Variants in KNL1 observed in about 807,000 individuals in gnomAD.
KNL1 encodes the protein outer kinetochore KNL1 complex subunit KNL1.
A neutral mutation model predicts 201.3 loss-of-function variants in KNL1; 66 were observed. That is an observed-to-expected ratio of 0.33 (90% CI 0.27 to 0.40). The LOEUF is 0.40. KNL1 is among the 10% of genes least tolerant of loss of function. The probability of loss-of-function intolerance (pLI) is 1.00; values close to 1 mark genes in which losing one functional copy is unlikely to be tolerated. For missense variants in KNL1, 2,815 were observed against 2,690.5 expected, an observed-to-expected ratio of 1.05 and a Z score of -1.02; for synonymous variants, 895 against 899.2, an observed-to-expected ratio of 1.00 and a Z score of 0.08.
chr15:40,644,069 G>A (rs1254538341), intron 14 of KNL1, among the ~76,000 whole-genome samples: 2 of 152,190 alleles, frequency 1.3e-5, no homozygotes, highest in Non-Finnish European at 2.9e-5. Context: ...GGGCCCAGGG[G>A]ACCGGCTCTC....
At position 40,610,299 on chromosome 15, in the gene KNL1, T is replaced by C. The variant is rs200451358; in HGVS notation, c.250+2T>C. On this transcript the variant is annotated splice_donor_variant, in intron 6 of 25. Coordinates refer to ENST00000399668, the MANE Select transcript of KNL1 (RefSeq NM_144508.5). LOFTEE classifies it high-confidence loss of function. ...TAGTGAGAAAGTCAGAAATGGAAGG[T>C]AAGTATGTTACTATAATTCCTGCTA... 42 of 1,456,248 alleles carry C rather than the reference T, an allele frequency of 2.9e-5. No homozygotes were observed. The highest frequency in any genetic ancestry group is 3.5e-4 in the Middle Eastern group (2 of 5,774). 90.2% of individuals were successfully genotyped at this position (1,456,248 alleles called of 1,614,324 possible).
chr15:40,594,664 G>T (rs1318039244), intron 1 of KNL1, among the ~76,000 whole-genome samples: 1 of 152,210 alleles, frequency 6.6e-6, no homozygotes, highest in Non-Finnish European at 1.5e-5. Flanking sequence ...TTGCTTGTCC[G>T]TCGCTCTCTT....
rs777307968 is a variant in KNL1 at position 40,651,514 on chromosome 15, C to G, written c.6256C>G (p.Gln2086Glu). Residue 2086 changes from glutamine (Q) to glutamate (E), a missense_variant, in exon 20 of 26, where the codon CAA becomes GAA. Gln to Glu is a conservative substitution (Grantham distance 29, BLOSUM62 2). Around this residue, in one of 3 missense-constraint regions of KNL1, gnomAD observed 334 missense variants for 362.6 expected, o/e 0.92. Transcript: ENST00000399668. Reference protein sequence around the residue: ...LEVQKEQTLAQIDFMQKQRNR... With the variant: ...LEVQKEQTLAEIDFMQKQRNR... ...GGTACAAAAAGAGCAGACCCTTGCTCAAATAGACTTTATGCAAAAACAAAG... is the reference window on the plus strand; with the variant it reads ...GGTACAAAAAGAGCAGACCCTTGCTGAAATAGACTTTATGCAAAAACAAAG... 5 of 1,610,184 alleles carry G rather than the reference C, an allele frequency of 3.1e-6. No individual in the cohort carries two copies. In the Admixed American group the frequency reaches 8.5e-5, roughly 27 times the overall value.
chr15:40,625,019 A>G lies in KNL1; in HGVS notation c.4755A>G (p.Gln1585=), dbSNP rs770951137. 6.2e-7 allele frequency: 1 copy of G among 1,613,952 alleles called. No individual in the cohort carries two copies. The highest frequency in any genetic ancestry group is 1.1e-5 in the South Asian group (1 of 91,068). The change falls in exon 10 of 26, where the codon CAA becomes CAG. Residue 1585 remains glutamine, a synonymous_variant. Coordinates refer to ENST00000399668, the MANE Select transcript of KNL1 (RefSeq NM_144508.5). ...QTVHLPPLPE[Q]LLELGNKAHN... ...TTCATCTACCACCCCTTCCAGAGCAATTACTTGAATTAGGAAATAAGGCAC... is the reference window on the plus strand; with the variant it reads ...TTCATCTACCACCCCTTCCAGAGCAGTTACTTGAATTAGGAAATAAGGCAC...
intron 14 of KNL1, among the ~76,000 whole-genome samples, chr15:40,644,530 C>T (rs978978213): frequency 3.3e-5 from 5 of 152,182 alleles, no homozygotes; most frequent in East Asian, 1.9e-4. Context: ...TTACGGGTGT[C>T]GGGCTGGGGG....
At chr15:40,640,593 A>AG (rs1893198223) in intron 13 of KNL1, among the ~76,000 whole-genome samples, 2 of 152,224 alleles carry the variant, frequency 1.3e-5, no homozygotes, top group Admixed American at 1.3e-4. Context: ...CTTAAAAAAA[A>AG]AAATTAAAAA....
intron 13 of KNL1, among the ~76,000 whole-genome samples, chr15:40,633,493 G>A (rs916443646): frequency 2.0e-5 from 3 of 152,032 alleles, no homozygotes; most frequent in Non-Finnish European, 4.4e-5. Flanking sequence ...ACTTGATAAT[G>A]ATAACAGACC....
At chr15:40,645,920 A>G (rs1486263688) in intron 16 of KNL1, 148 bp downstream of exon 16, 2 of 491,180 alleles carry the variant, frequency 4.1e-6, no homozygotes, top group Non-Finnish European at 7.1e-6. Context: ...TCAATTTGTC[A>G]AAAGTGGCAA....
rs1378960134 is a variant in KNL1, at chr15:40,663,896, G to T, written c.*1708G>T. The T allele has an allele frequency of 1.0e-5, 2 of 192,720 alleles. No individual in the cohort carries two copies. The highest frequency in any genetic ancestry group is 4.6e-5 in the African/African-American group (2 of 43,118). The allele number at this position is 192,720 out of a possible 1,614,324, so 11.9% of individuals were successfully genotyped here. On this transcript the variant is annotated 3_prime_UTR_variant, in exon 26 of 26. Coordinates refer to ENST00000399668, the MANE Select transcript of KNL1 (RefSeq NM_144508.5). ...CTGAATGTTATTGTCCCTCTTGATTGGTTTTTACTTCTGAGCTATACGTCA... is the reference window on the plus strand; with the variant it reads ...CTGAATGTTATTGTCCCTCTTGATTTGTTTTTACTTCTGAGCTATACGTCA...
chr15:40,625,849 A>G (rs1238445768), intron 10 of KNL1: 3 of 477,560 alleles, frequency 6.3e-6, no homozygotes, highest in Non-Finnish European at 1.1e-5. Flanking sequence ...AAAGTGACAA[A>G]TAGTCACAAA....
At position 40,624,240 on chromosome 15, in the gene KNL1, G is replaced by A; in HGVS notation, c.3976G>A (p.Asp1326Asn). 6.2e-7 allele frequency: 1 copy of A among 1,613,988 alleles called. No individual in the cohort carries two copies. Among genetic ancestry groups the A allele is most frequent in the Non-Finnish European group, 8.5e-7 (1 of 1,179,956 alleles). Reference sequence around the variant, plus strand: ...TAGTGCCATGCTCTTATGTGATAAAGATGAGGAAAAAGCCAATTATTGCCC... The same window carrying A: ...TAGTGCCATGCTCTTATGTGATAAAAATGAGGAAAAAGCCAATTATTGCCC... ...EGSAMLLCDK[D>N]EEKANYCPVQ... is the part of the protein sequence containing the mutation. Residue 1326 changes from aspartate to asparagine, a missense_variant, in exon 10 of 26, where the codon GAT (aspartate) becomes AAT (asparagine). Around this residue, in one of 3 missense-constraint regions of KNL1, gnomAD observed 2,464 missense variants for 2,291.7 expected, o/e 1.08. Transcript: ENST00000399668.
chr15:40,636,963 A>G (rs1893072367), intron 13 of KNL1, among the ~76,000 whole-genome samples: 1 of 152,086 alleles, frequency 6.6e-6, no homozygotes, highest in Admixed American at 6.6e-5. Context: ...GAAGACTCTT[A>G]TTTTAAAAAC....
At position 40,663,839 on chromosome 15, in the gene KNL1, T is replaced by C. The variant is rs1893980801; in HGVS notation, c.*1651T>C. The C allele has an allele frequency of 5.2e-6, 1 of 192,808 alleles. No individual in the cohort carries two copies. The highest frequency in any genetic ancestry group is 1.9e-4 in the South Asian group (1 of 5,182). 11.9% of individuals were successfully genotyped at this position (192,808 alleles called of 1,614,324 possible). On this transcript the variant is annotated 3_prime_UTR_variant, in exon 26 of 26. Coordinates refer to ENST00000399668, the MANE Select transcript of KNL1 (RefSeq NM_144508.5). Reference sequence around the variant, plus strand: ...ATTTGTCTCAAAATTTTGCTTTATATTTTTGGATCAGGTTAAAGTCCTGTG... The same window carrying C: ...ATTTGTCTCAAAATTTTGCTTTATACTTTTGGATCAGGTTAAAGTCCTGTG...
At chr15:40,626,871 C>A (rs190143650) in intron 10 of KNL1, among the ~76,000 whole-genome samples, 1 of 151,822 alleles carries the variant, frequency 6.6e-6, no homozygotes, top group Admixed American at 6.6e-5. Flanking sequence ...TAAGCCACCA[C>A]GGCCCATAAT....
At chr15:40,612,077 G>A (rs957840407) in intron 7 of KNL1, among the ~76,000 whole-genome samples, 5 of 152,124 alleles carry the variant, frequency 3.3e-5, no homozygotes, top group African/African-American at 1.2e-4. Flanking sequence ...AAGCACTTAG[G>A]GAGGCTGAGG....
chr15:40,634,642 G>C (rs896066778), intron 13 of KNL1, among the ~76,000 whole-genome samples: 1 of 152,112 alleles, frequency 6.6e-6, no homozygotes, highest in Non-Finnish European at 1.5e-5. Context: ...GCTATAGATA[G>C]GGAGGAGAAA....
chr15:40,621,158 C>T lies in KNL1; in HGVS notation c.894C>T (p.Ser298=). 1 of 1,613,586 alleles carries T rather than the reference C, an allele frequency of 6.2e-7. No individual in the cohort carries two copies. The highest frequency in any genetic ancestry group is 8.5e-7 in the Non-Finnish European group (1 of 1,179,768). ...ATATTCAGACATTGATTCCCACATCCAGTGAGACCAACTCACGGGAATCTA... is the reference window on the plus strand; with the variant it reads ...ATATTCAGACATTGATTCCCACATCTAGTGAGACCAACTCACGGGAATCTA... ...TANIQTLIPT[S]SETNSRESKG... Residue 298 remains serine, a synonymous_variant, in exon 10 of 26, where the codon TCC becomes TCT. Transcript: ENST00000399668.
At chr15:40,640,670 A>G (rs1048404535) in intron 13 of KNL1, among the ~76,000 whole-genome samples, 1 of 152,218 alleles carries the variant, frequency 6.6e-6, no homozygotes, top group Non-Finnish European at 1.5e-5. Context: ...TTTTCAAACT[A>G]CTGTCATTCC....
chr15:40,620,664 G>A lies in KNL1; in HGVS notation c.400G>A (p.Glu134Lys). 1 of 1,588,570 alleles carries A rather than the reference G, an allele frequency of 6.3e-7. No homozygotes were observed. Among genetic ancestry groups the A allele is most frequent in the South Asian group, 1.1e-5 (1 of 87,464 alleles). The stretch of plus-strand genomic sequence containing the variant: ...GTTTTCAATTATAGAACATACCCGT[G>A]AAAGGAAACATGCAAATGACCAGAC... ...KEFSIIEHTRERKHANDQTVI... is the reference protein window; with the variant it reads ...KEFSIIEHTRKRKHANDQTVI... Residue 134 changes from glutamate to lysine, a missense_variant, in exon 10 of 26, where the codon GAA becomes AAA. Physicochemically the swap from Glu to Lys is moderately conservative, Grantham distance 56 (BLOSUM62 1). Coordinates refer to ENST00000399668, the MANE Select transcript of KNL1 (RefSeq NM_144508.5).
Sources: gnomAD v4.1 joint callset for allele counts (sites outside exome capture counted in the v4.1 genomes callset) on GRCh38, gnomAD v4.1.1 for gene constraint, gnomAD v4.1.1 regional missense constraint, MANE v1.5 for transcripts, NCBI Gene and HGNC (gene_info 2026-07-23, HGNC 2026-07-21) for gene names.